LDHAL6A: variants seen among roughly 807,000 people sequenced by gnomAD.
LDHAL6A encodes the protein L-lactate dehydrogenase A-like 6A.
Under a neutral mutation model 28.2 loss-of-function variants are expected in LDHAL6A, and 19 were observed. The ratio of observed to expected loss-of-function variants is 0.67; its 90% CI spans 0.47 to 0.99. The LOEUF is 0.99. Ranked by LOEUF, LDHAL6A falls within the 50% of genes least tolerant of loss-of-function variation. The pLI is 0.00. For missense variants in LDHAL6A, 372 were observed against 398.6 expected, an observed-to-expected ratio of 0.93 and a Z score of 0.57; for synonymous variants, 144 against 134.4, an observed-to-expected ratio of 1.07 and a Z score of -0.49.
In LDHAL6A at chr11:18,463,567, T is replaced by C. The variant is rs79567017; in HGVS notation, c.127-394T>C. 5.0e-3 allele frequency among the ~76,000 whole-genome samples: 764 copies of C among 152,124 alleles called. 4 individuals are homozygous for C. The highest frequency in any genetic ancestry group is 0.017 in the Middle Eastern group (5 of 294). ...TCCTCTGTGCCAGGTGGATGATAAGTAAGCACCAGATGGCTGGGGATGAAT... is the reference window on the plus strand; with the variant it reads ...TCCTCTGTGCCAGGTGGATGATAAGCAAGCACCAGATGGCTGGGGATGAAT... On this transcript the variant is annotated intron_variant, in intron 1 of 6. Transcript: ENST00000280706.
rs759690280 is a variant in LDHAL6A, at chr11:18,476,389, G to A, written c.598G>A (p.Val200Met). 3.1e-6 allele frequency: 5 copies of A among 1,612,694 alleles called. No homozygotes were observed. The highest frequency in any genetic ancestry group is 3.3e-5 in the Admixed American group (2 of 59,704). The change falls in exon 5 of 7, where the codon GTG (valine) becomes ATG (methionine). Residue 200 changes from valine (V) to methionine (M), a missense_variant. Val to Met is a conservative substitution (Grantham distance 21, BLOSUM62 1). Transcript: ENST00000280706. ...TTTGGGTGTCTCTTTCTTAGTTCCT[G>A]TGTGGAGTGGTGTGAACATTGCTGG... ...LGEHGDSSVP[V>M]WSGVNIAGVP... is the part of the protein sequence containing the mutation.
rs753241034 is a variant in LDHAL6A, at chr11:18,465,781, A to G, written c.389A>G (p.His130Arg). The change falls in exon 3 of 7, where the codon CAC becomes CGC. Residue 130 changes from histidine to arginine, a missense_variant. Coordinates refer to ENST00000280706, the MANE Select transcript of LDHAL6A (RefSeq NM_144972.5). ...CCCAATATTACCCAGTACAGTCCTC[A>G]CTGCAAACTGCTTATTGTTACTAAT... ...MIPNITQYSP[H>R]CKLLIVTNPV... 1 of 1,611,314 alleles carries G rather than the reference A, an allele frequency of 6.2e-7. No homozygotes were observed. The highest frequency in any genetic ancestry group is 1.1e-5 in the South Asian group (1 of 90,256).
At position 18,456,492 on chromosome 11, in the gene LDHAL6A, G is replaced by C; in HGVS notation, c.-189G>C. The C allele has an allele frequency of 8.7e-6, 5 of 572,864 alleles. 1 individual carries two copies. The South Asian group carries it at 1.0e-4, about 12-fold the overall frequency. 35.5% of individuals were successfully genotyped at this position (572,864 alleles called of 1,614,324 possible). On this transcript the variant is annotated 5_prime_UTR_variant, in exon 1 of 7. Transcript: ENST00000280706. Reference sequence around the variant, plus strand: ...CGCTTCATGGATGCTGAGCTGCCTGGCCAGAACCTACCCAGCTTCTTTGCT... The same window carrying C: ...CGCTTCATGGATGCTGAGCTGCCTGCCCAGAACCTACCCAGCTTCTTTGCT...
chr11:18,476,319 A>C, intron 4 of LDHAL6A, 65 bp from the exon 5 acceptor site: 1 of 1,542,510 alleles, frequency 6.5e-7, no homozygotes. Flanking sequence ...AGTTTTGCTG[A>C]GGTCAAAAAC....
Position 18,456,620 on chromosome 11 carries a change from A to AT in LDHAL6A, c.-58dup. On this transcript the variant is annotated 5_prime_UTR_variant, in exon 1 of 7. It removes the in-frame stop codon of an upstream open reading frame in the 5' UTR. Coordinates refer to ENST00000280706, the MANE Select transcript of LDHAL6A (RefSeq NM_144972.5). ...ACCGCAGGTCTTGGAATTCCAAGCC[A>AT]TTTCCAATTCCAGGTCTTGGAAATG... The AT allele has an allele frequency of 6.4e-7, 1 of 1,564,938 alleles. No individual in the cohort carries two copies. Among genetic ancestry groups the AT allele is most frequent in the South Asian group, 1.1e-5 (1 of 89,356 alleles).
rs1219470169 is a variant in LDHAL6A at position 18,456,658 on chromosome 11, G to A, written c.-23G>A. 6.2e-7 allele frequency: 1 copy of A among 1,612,480 alleles called. No homozygotes were observed. Among genetic ancestry groups the A allele is most frequent in the African/African-American group, 1.3e-5 (1 of 74,942 alleles). ...GGTCTTGGAAATGGCTGTGCAATTT[G>A]TCTTCACTGTTAGGTTTCCAAGATG... On this transcript the variant is annotated 5_prime_UTR_variant, in exon 1 of 7. Coordinates refer to ENST00000280706, the MANE Select transcript of LDHAL6A (RefSeq NM_144972.5).
chr11:18,469,272 T>A, intron 3 of LDHAL6A: 3 of 560,674 alleles, frequency 5.4e-6, no homozygotes, highest in Non-Finnish European at 9.4e-6. Flanking sequence ...ATCCCCAACC[T>A]ACTTTGATTT....
chr11:18,456,860 A>G (rs878878922), intron 1 of LDHAL6A, 54 bp downstream of exon 1: 7 of 1,569,034 alleles, frequency 4.5e-6, no homozygotes, highest in South Asian at 3.6e-5. Flanking sequence ...GCGAGGCCAC[A>G]GCGTATGGTT....
intron 3 of LDHAL6A, among the ~76,000 whole-genome samples, chr11:18,466,898 T>C (rs1431267379): frequency 6.6e-6 from 1 of 152,178 alleles, no homozygotes; most frequent in Non-Finnish European, 1.5e-5. Flanking sequence ...ATAGATTATG[T>C]CTAGTGAGAG....
chr11:18,466,145 A>G (rs1215681278), intron 3 of LDHAL6A, among the ~76,000 whole-genome samples: 1 of 152,206 alleles, frequency 6.6e-6, no homozygotes, highest in Non-Finnish European at 1.5e-5. Context: ...TGCAAAGGAC[A>G]TGATTTTGTT....
In LDHAL6A at chr11:18,479,550, C is replaced by T. The variant is rs1849487320; in HGVS notation, c.*680C>T. 1 of 152,044 alleles carries T rather than the reference C, an allele frequency of 6.6e-6. No individual in the cohort carries two copies. The highest frequency in any genetic ancestry group is 2.4e-5 in the African/African-American group (1 of 41,394). The allele number at this position is 152,044 out of a possible 1,614,324, so 9.4% of individuals were successfully genotyped here. A position where few individuals can be genotyped will look rare whatever the true frequency, so the allele number is the denominator to read the frequency against. ...ATAAAAGTGTATATATATACACACA[C>T]ACACAGAGAGTAATCTAAATGTTCC... On this transcript the variant is annotated 3_prime_UTR_variant, in exon 7 of 7. Coordinates refer to ENST00000280706, the MANE Select transcript of LDHAL6A (RefSeq NM_144972.5).
At chr11:18,477,408 G>A (rs543668742) in intron 5 of LDHAL6A, among the ~76,000 whole-genome samples, 3 of 150,404 alleles carry the variant, frequency 2.0e-5, no homozygotes, top group East Asian at 2.0e-4. Flanking sequence ...GTAGTGAGCC[G>A]AGATCACACT....
intron 1 of LDHAL6A, among the ~76,000 whole-genome samples, chr11:18,462,660 A>C (rs1590248029): frequency 7.1e-6 from 1 of 140,362 alleles, no homozygotes; most frequent in South Asian, 2.3e-4. Flanking sequence ...ACAAACAAAA[A>C]AAAAAACAAA....
chr11:18,461,865 A>AG (rs1170291419), intron 1 of LDHAL6A, among the ~76,000 whole-genome samples: 1 of 151,412 alleles, frequency 6.6e-6, no homozygotes, highest in African/African-American at 2.4e-5. Context: ...AAAAAGAAAA[A>AG]AAAAAAAAAA....
rs796083982 is a variant in LDHAL6A, at chr11:18,456,960, C to T, written c.126+154C>T. Among the ~76,000 whole-genome samples the T allele has an allele frequency of 3.9e-5, 6 of 152,086 alleles. No homozygotes were observed. The East Asian group carries it at 9.6e-4, about 24-fold the overall frequency. The stretch of plus-strand genomic sequence containing the variant: ...GGTGCCCTTTTTTTAGTTGTTCACC[C>T]AGAGGGCGCTCCTTTTTAAAAATTG... On this transcript the variant is annotated intron_variant, in intron 1 of 6. Transcript: ENST00000280706.
chr11:18,472,458 CA>C (rs1264722222), intron 3 of LDHAL6A, among the ~76,000 whole-genome samples: 2 of 152,292 alleles, frequency 1.3e-5, no homozygotes, highest in Admixed American at 1.3e-4. Flanking sequence ...AACACTGTTT[CA>C]GAGGACAAAA....
chr11:18,468,430 C>T (rs1009976935), intron 3 of LDHAL6A: 2 of 151,890 alleles, frequency 1.3e-5, no homozygotes, highest in Non-Finnish European at 2.9e-5. Flanking sequence ...CCTCCGCCTC[C>T]TGGATTCAAG....
At chr11:18,464,186 G>A in intron 2 of LDHAL6A, 108 bp downstream of exon 2, 1 of 743,122 alleles carries the variant, frequency 1.3e-6, no homozygotes, top group Non-Finnish European at 2.3e-6. Flanking sequence ...GATAAGGCTG[G>A]TTGCTCCCTA....
At position 18,476,511 on chromosome 11, in the gene LDHAL6A, T is replaced by C. The variant is rs373457782; in HGVS notation, c.710+10T>C. The C allele has an allele frequency of 1.2e-6, 2 of 1,612,694 alleles. No individual in the cohort carries two copies. The highest frequency in any genetic ancestry group is 1.7e-6 in the Non-Finnish European group (2 of 1,179,378). On this transcript the variant is annotated intron_variant, in intron 5 of 6. Transcript: ENST00000280706. ...AAAAAGTGATTTCCAGGTAATATGC[T>C]AGTTTCACATTTTCAGTACCTTAGA... is the stretch of plus-strand genomic sequence containing the variant.
Sources: allele counts gnomAD v4.1 joint callset (sites outside exome capture counted in the v4.1 genomes callset), GRCh38; gene constraint gnomAD v4.1.1; transcripts MANE v1.5; gene names NCBI Gene and HGNC (gene_info 2026-07-23, HGNC 2026-07-21).